CCSER1: variants seen among roughly 807,000 people sequenced by gnomAD.
CCSER1 encodes serine-rich coiled-coil domain-containing protein 1.
CCSER1 carries 41 observed loss-of-function variants against 82.0 expected under a neutral mutation model. The observed-to-expected ratio is 0.50, with a 90% confidence interval of 0.39 to 0.65. The LOEUF (loss-of-function observed/expected upper bound fraction) is 0.65, where lower values mean the gene tolerates loss of function less well. Ranked by LOEUF, CCSER1 falls within the 30% of genes least tolerant of loss-of-function variation. CCSER1 has a pLI of 0.00. For synonymous variants in CCSER1, 414 were observed against 383.9 expected, an observed-to-expected ratio of 1.08 and a Z score of -0.92; for missense variants, 1,119 against 1,064.2, an observed-to-expected ratio of 1.05 and a Z score of -0.72.
chr4:90,948,995 C>T (rs952897331), intron 9 of CCSER1, among the ~76,000 whole-genome samples: 8 of 151,928 alleles, frequency 5.3e-5, no homozygotes, highest in Admixed American at 1.3e-4. Context: ...ATATGTCTGA[C>T]GTGGAATGTG....
intron 10 of CCSER1, among the ~76,000 whole-genome samples, chr4:91,126,607 C>T (rs1486762925): frequency 1.3e-5 from 2 of 151,736 alleles, no homozygotes; most frequent in African/African-American, 4.8e-5. Flanking sequence ...TGATTTGTTA[C>T]AAGATAGTAA....
intron 8 of CCSER1, among the ~76,000 whole-genome samples, chr4:90,838,425 T>G (rs989540836): frequency 6.6e-6 from 1 of 151,818 alleles, no homozygotes; most frequent in South Asian, 2.1e-4. Context: ...TCAATTTATA[T>G]GATCTGCTTG....
chr4:91,377,184 A>G (rs1349557051), intron 10 of CCSER1, among the ~76,000 whole-genome samples: 1 of 152,106 alleles, frequency 6.6e-6, no homozygotes, highest in African/African-American at 2.4e-5. Flanking sequence ...AGTCTTTGCT[A>G]TTGTGAATAG....
intron 8 of CCSER1, among the ~76,000 whole-genome samples, chr4:90,860,263 A>G (rs1764922451): frequency 6.6e-6 from 1 of 151,564 alleles, no homozygotes. Flanking sequence ...TGATCAATAT[A>G]ATTATTCATT....
intron 9 of CCSER1, among the ~76,000 whole-genome samples, chr4:90,936,734 A>G (rs1730982233): frequency 6.6e-6 from 1 of 152,192 alleles, no homozygotes; most frequent in Admixed American, 6.5e-5. Context: ...TATAACATAT[A>G]AAATATATTC....
chr4:91,574,053 ATAAT>A, intron 10 of CCSER1, among the ~76,000 whole-genome samples: 1 of 152,124 alleles, frequency 6.6e-6, no homozygotes, highest in African/African-American at 2.4e-5. Flanking sequence ...ATTGATTGGA[ATAAT>A]TAATATTTTT....
intron 9 of CCSER1, among the ~76,000 whole-genome samples, chr4:91,032,592 A>G (rs1741081431): frequency 1.3e-5 from 2 of 152,218 alleles, no homozygotes; most frequent in Non-Finnish European, 2.9e-5. Flanking sequence ...AGGAACACTG[A>G]CCAAGAAGTT....
In CCSER1 at chr4:90,581,319, A is replaced by C. The variant is rs973579625; in HGVS notation, c.1725-46706A>C. Among the ~76,000 whole-genome samples the C allele has an allele frequency of 5.9e-5, 9 of 152,284 alleles. 1 individual carries two copies. In the East Asian group the frequency reaches 1.7e-3, roughly 29 times the overall value. ...TGAGCACATGTAAAAGATGAATTAT[A>C]ATATTTCATGCAAGAAAAAAAGACT... On this transcript the variant is annotated intron_variant, in intron 5 of 10. Coordinates refer to ENST00000509176, the MANE Select transcript of CCSER1 (RefSeq NM_001145065.2).
intron 1 of CCSER1, among the ~76,000 whole-genome samples, chr4:90,221,900 T>A (rs1742224459): frequency 6.6e-6 from 1 of 152,204 alleles, no homozygotes; most frequent in South Asian, 2.1e-4. Context: ...TACCACTAAT[T>A]GAATAAAACA....
rs1299619845 is a variant in CCSER1 at position 91,599,608 on chromosome 4, T to C, written c.*551T>C. On this transcript the variant is annotated 3_prime_UTR_variant, in exon 11 of 11. Transcript: ENST00000509176. ...TAGAGATGTGTTTGTCTCTATTACA[T>C]ACATTCAAGCTCATCTTGTGATACT... 6.6e-6 allele frequency: 1 copy of C among 152,224 alleles called. No homozygotes were observed. Among genetic ancestry groups the C allele is most frequent in the Non-Finnish European group, 1.5e-5 (1 of 68,060 alleles). The allele number at this position is 152,224 out of a possible 1,614,324, so 9.4% of individuals were successfully genotyped here.
At chr4:90,230,858 A>G (rs2153427623) in intron 1 of CCSER1, among the ~76,000 whole-genome samples, 1 of 152,322 alleles carries the variant, frequency 6.6e-6, no homozygotes, top group Admixed American at 6.5e-5. Flanking sequence ...ACGCAAATAA[A>G]CCAGAAAATC....
intron 5 of CCSER1, among the ~76,000 whole-genome samples, chr4:90,570,870 A>G (rs975850555): frequency 1.3e-5 from 2 of 152,148 alleles, no homozygotes; most frequent in African/African-American, 4.8e-5. Context: ...TATTGTGTTT[A>G]CGCCCAAGGC....
chr4:90,166,139 C>G (rs1243993547), intron 1 of CCSER1, among the ~76,000 whole-genome samples: 3 of 151,898 alleles, frequency 2.0e-5, no homozygotes, highest in African/African-American at 7.2e-5. Context: ...ACTTTCAGTA[C>G]AGTATTTAAT....
At chr4:91,501,122 C>T (rs115537731) in intron 10 of CCSER1, among the ~76,000 whole-genome samples, 4,578 of 151,688 alleles carry the variant, frequency 0.03, 144 homozygotes, top group African/African-American at 0.084. Context: ...TTATATTAAT[C>T]AATTTTTATT....
chr4:91,008,401 A>G (rs1323213364), intron 9 of CCSER1, among the ~76,000 whole-genome samples: 1 of 152,176 alleles, frequency 6.6e-6, no homozygotes, highest in Non-Finnish European at 1.5e-5. Context: ...GAGCATATGT[A>G]TTTAAAAGTG....
At chr4:91,102,373 T>C (rs1235755496) in intron 10 of CCSER1, among the ~76,000 whole-genome samples, 1 of 152,196 alleles carries the variant, frequency 6.6e-6, no homozygotes, top group South Asian at 2.1e-4. Context: ...ACATTGTAGC[T>C]TCGTACAGCA....
chr4:91,461,607 T>C (rs1243303898), intron 10 of CCSER1, among the ~76,000 whole-genome samples: 3 of 152,218 alleles, frequency 2.0e-5, no homozygotes, highest in African/African-American at 4.8e-5. Flanking sequence ...TTAGCTATAC[T>C]TGTATGGATT....
At chr4:90,254,331 CTA>C (rs1722890600) in intron 1 of CCSER1, among the ~76,000 whole-genome samples, 1 of 152,150 alleles carries the variant, frequency 6.6e-6, no homozygotes, top group Non-Finnish European at 1.5e-5. Context: ...GCTCACTTCT[CTA>C]GGAATGACAG....
At chr4:91,307,150 G>A (rs919091366) in intron 10 of CCSER1, among the ~76,000 whole-genome samples, 13 of 151,702 alleles carry the variant, frequency 8.6e-5, no homozygotes, top group Non-Finnish European at 1.5e-4. Flanking sequence ...AAGAGTTGTG[G>A]TTATATCCAT....
Sources: gnomAD v4.1 joint callset for allele counts (sites outside exome capture counted in the v4.1 genomes callset) on GRCh38, gnomAD v4.1.1 for gene constraint, MANE v1.5 for transcripts, NCBI Gene and HGNC (gene_info 2026-07-23, HGNC 2026-07-21) for gene names.